SCN1A: variants seen among roughly 807,000 people sequenced by gnomAD.
SCN1A encodes sodium channel protein type 1 subunit alpha.
In SCN1A, 13 loss-of-function variants were observed where a neutral mutation model predicts 193.7. The observed-to-expected ratio is 0.07, with a 90% CI of 0.04 to 0.11. The LOEUF is 0.11. SCN1A is among the 10% of genes least tolerant of loss of function. The pLI, the probability that SCN1A is intolerant of heterozygous loss-of-function variation, is 1.00. For missense variants in SCN1A, 1,432 were observed against 2,451.1 expected (o/e 0.58, Z 8.78); for synonymous variants, 781 against 843.6 (o/e 0.93, Z 1.29).
intron 19 of SCN1A, among the ~76,000 whole-genome samples, chr2:166,017,507 G>A (rs532854978): frequency 2.4e-4 from 36 of 152,052 alleles, no homozygotes; most frequent in Admixed American, 2.0e-4. Context: ...TCATTTGGCC[G>A]TAAAGTGATA....
rs571561423 is a variant in SCN1A, at chr2:166,118,003, T to C, written c.-142+8921A>G. On this transcript the variant is annotated intron_variant, in intron 2 of 28. Coordinates refer to ENST00000674923, the MANE Select transcript of SCN1A (RefSeq NM_001165963.4). ...TTTTTTGATTTTTTGGATTATATTC[T>C]ATATGCATTAAAGACTATGAACATT... Among the ~76,000 whole-genome samples, 4 of 152,062 alleles carry C rather than the reference T, an allele frequency of 2.6e-5. No homozygotes were observed. In the East Asian group the frequency reaches 7.7e-4, roughly 29 times the overall value.
At chr2:165,996,165 A>T (rs751781433) in intron 26 of SCN1A, 48 bp from the exon 27 acceptor site, 29 of 1,172,806 alleles carry the variant, frequency 2.5e-5, no homozygotes, top group Non-Finnish European at 3.5e-5. Context: ...CCTTTTGTAC[A>T]TTTTTTTCAA....
chr2:166,015,878 A>G, intron 19 of SCN1A, 151 bp from the exon 20 acceptor site: 1 of 798,456 alleles, frequency 1.3e-6, no homozygotes, highest in Non-Finnish European at 2.0e-6. Context: ...AGGGGAAGAA[A>G]TAAGAAAATC....
At chr2:166,063,324 C>T (rs1470876943) in intron 4 of SCN1A, among the ~76,000 whole-genome samples, 1 of 151,914 alleles carries the variant, frequency 6.6e-6, no homozygotes, top group Non-Finnish European at 1.5e-5. Context: ...AACATTCATA[C>T]AATAGGGTTG....
At chr2:166,132,942 A>AT (rs56945593), upstream of SCN1A, among the ~76,000 whole-genome samples, 79 of 151,676 alleles carry the variant, frequency 5.2e-4, no homozygotes, top group East Asian at 9.9e-3. Flanking sequence ...AAATAATTGA[A>AT]TTTTTTTTTC....
At chr2:166,140,010 A>T (rs1001549558) in intron 1 of SCN1A, among the ~76,000 whole-genome samples, 2 of 152,172 alleles carry the variant, frequency 1.3e-5, no homozygotes, top group African/African-American at 2.4e-5. Context: ...TGAGGACTTA[A>T]TATATTTTGG....
intron 19 of SCN1A, among the ~76,000 whole-genome samples, chr2:166,028,532 T>C (rs1023334460): frequency 1.3e-5 from 2 of 152,198 alleles, no homozygotes; most frequent in Non-Finnish European, 2.9e-5. Flanking sequence ...TCACAATCAC[T>C]GGTTTTATGG....
intron 12 of SCN1A, among the ~76,000 whole-genome samples, chr2:166,045,607 G>C (rs942431083): frequency 1.3e-5 from 2 of 151,988 alleles, no homozygotes; most frequent in Non-Finnish European, 2.9e-5. Context: ...GTATCAACAA[G>C]AAAATAAATT....
intron 2 of SCN1A, among the ~76,000 whole-genome samples, chr2:166,085,684 G>A (rs1686037711): frequency 6.6e-6 from 1 of 152,100 alleles, no homozygotes. Context: ...TGAGTATCAG[G>A]TGTTTGACAC....
intron 1 of SCN1A, among the ~76,000 whole-genome samples, chr2:166,144,779 T>G (rs4331517): frequency 0.81 from 122,521 of 151,776 alleles, 50,080 homozygotes; most frequent in African/African-American, 0.94. Context: ...TGAGCCTTTA[T>G]TTTCTCACTG....
chr2:166,066,082 G>C (rs1683807775), intron 4 of SCN1A, among the ~76,000 whole-genome samples: 1 of 152,150 alleles, frequency 6.6e-6, no homozygotes, highest in Non-Finnish European at 1.5e-5. Flanking sequence ...TGGGTGGAGG[G>C]TTGGGGCCAG....
At position 166,048,603 on chromosome 2, in the gene SCN1A, T is replaced by C. The variant is rs143121067; in HGVS notation, c.1028+283A>G. On this transcript the variant is annotated intron_variant, in intron 10 of 28. Transcript: ENST00000674923. The stretch of plus-strand genomic sequence containing the variant: ...CACATTTTCTTTATCCAGCCTATCA[T>C]TGATGGACATTTAGGTTGATTCCAT... Among the ~76,000 whole-genome samples, 13 of 152,232 alleles carry C rather than the reference T, an allele frequency of 8.5e-5. No individual in the cohort carries two copies. In the South Asian group the frequency reaches 2.3e-3, roughly 27 times the overall value.
intron 1 of SCN1A, among the ~76,000 whole-genome samples, chr2:166,139,016 C>T (rs1447046502): frequency 1.3e-5 from 2 of 152,152 alleles, no homozygotes; most frequent in African/African-American, 4.8e-5. Context: ...TGCACAGGGT[C>T]TGTAGTTCCT....
At chr2:166,050,629 A>ATATATATATATATATATATATATATG (rs1553548949) in intron 9 of SCN1A, among the ~76,000 whole-genome samples, 5 of 79,100 alleles carry the variant, frequency 6.3e-5, no homozygotes, top group African/African-American at 2.8e-4. Flanking sequence ...ATATATATAT[A>ATATATATATATATATATATATATATG]TATATATATG....
chr2:166,047,867 CA>C, intron 10 of SCN1A, 99 bp from the exon 11 acceptor site: 1 of 1,537,458 alleles, frequency 6.5e-7, no homozygotes, highest in South Asian at 1.1e-5. Context: ...TTTGGTATTT[CA>C]AAATAAAAGT....
chr2:166,142,242 T>C (rs1692119233), intron 1 of SCN1A, among the ~76,000 whole-genome samples: 1 of 152,184 alleles, frequency 6.6e-6, no homozygotes, highest in African/African-American at 2.4e-5. Context: ...AAATATCGTG[T>C]TGAGAAGATA....
At position 166,043,646 on chromosome 2, in the gene SCN1A, T is replaced by C. The variant is rs79381030; in HGVS notation, c.2043+23A>G. 1,680 of 1,605,322 alleles carry C rather than the reference T, an allele frequency of 1.0e-3. 21 individuals are homozygous for C. The African/African-American group carries it at 0.02, about 19-fold the overall frequency. On this transcript the variant is annotated intron_variant, in intron 14 of 28. Transcript: ENST00000674923. ...GCAGCAATAGTGAGCCAGCCATGCC[T>C]GAACTATTTAAAACTTCCTTACATT...
chr2:166,113,612 G>A (rs1377244138), intron 2 of SCN1A, among the ~76,000 whole-genome samples: 2 of 152,074 alleles, frequency 1.3e-5, no homozygotes, highest in Non-Finnish European at 2.9e-5. Flanking sequence ...TACTTTTAAA[G>A]TTTTGAAATT....
intron 1 of SCN1A, among the ~76,000 whole-genome samples, chr2:166,147,451 T>C (rs6732793): frequency 0.81 from 122,906 of 152,174 alleles, 50,245 homozygotes; most frequent in African/African-American, 0.94. Context: ...GAATCCCTTT[T>C]AGCAATAGCC....
Sources: gnomAD v4.1 joint callset for allele counts (sites outside exome capture counted in the v4.1 genomes callset) on GRCh38, gnomAD v4.1.1 for gene constraint, MANE v1.5 for transcripts, NCBI Gene and HGNC (gene_info 2026-07-23, HGNC 2026-07-21) for gene names.